Variants in CLDN10 observed in about 807,000 individuals in gnomAD.
The protein encoded by CLDN10 is claudin 10.
Under a neutral mutation model 22.9 loss-of-function variants are expected in CLDN10, and 15 were observed. The observed-to-expected ratio is 0.65, with a 90% CI of 0.44 to 1.01. The LOEUF (loss-of-function observed/expected upper bound fraction) is 1.01. Among genes scored for constraint, CLDN10 ranks in the 50% least tolerant of loss-of-function variants. CLDN10 has a pLI of 0.00. For synonymous variants in CLDN10, 114 were observed against 111.4 expected (o/e 1.02, Z -0.15); for missense variants, 247 against 287.8 (o/e 0.86, Z 1.03).
chr13:95,466,026 T>C (rs373517327), intron 1 of CLDN10, among the ~76,000 whole-genome samples: 1 of 151,928 alleles, frequency 6.6e-6, no homozygotes, highest in African/African-American at 2.4e-5. Context: ...ATGGTGTATG[T>C]TTATGTTTAT....
At chr13:95,505,187 C>G (rs2043025242) in intron 1 of CLDN10, among the ~76,000 whole-genome samples, 1 of 152,184 alleles carries the variant, frequency 6.6e-6, no homozygotes, top group African/African-American at 2.4e-5. Context: ...TATGTTGAGA[C>G]TGCAAGTCCA....
intron 1 of CLDN10, among the ~76,000 whole-genome samples, chr13:95,450,124 C>T (rs556186353): frequency 2.0e-5 from 3 of 152,350 alleles, no homozygotes; most frequent in Non-Finnish European, 4.4e-5. Context: ...ATTCTCCCAC[C>T]TTGGCCTTCC....
chr13:95,565,908 GAAT>G (rs1370533090), intron 3 of CLDN10, among the ~76,000 whole-genome samples: 3 of 152,040 alleles, frequency 2.0e-5, no homozygotes, highest in African/African-American at 4.8e-5. Context: ...AGTTTGCTGA[GAAT>G]GATGGTTTCC....
At chr13:95,495,997 T>C (rs1430924417) in intron 1 of CLDN10, among the ~76,000 whole-genome samples, 1 of 152,216 alleles carries the variant, frequency 6.6e-6, no homozygotes, top group East Asian at 1.9e-4. Context: ...AAGTAGGTTC[T>C]CACCAAATTT....
chr13:95,540,156 C>T (rs1053425963), intron 1 of CLDN10, among the ~76,000 whole-genome samples: 4 of 151,928 alleles, frequency 2.6e-5, no homozygotes, highest in South Asian at 4.1e-4. Flanking sequence ...AAAAATTAGC[C>T]GGGCATGGTG....
chr13:95,534,424 C>T (rs1463228316), intron 1 of CLDN10, among the ~76,000 whole-genome samples: 1 of 152,162 alleles, frequency 6.6e-6, no homozygotes, highest in Non-Finnish European at 1.5e-5. Context: ...TATTGTGGGT[C>T]ATCTGGTCCA....
chr13:95,570,079 G>T (rs183922459), intron 3 of CLDN10, among the ~76,000 whole-genome samples: 1 of 152,184 alleles, frequency 6.6e-6, no homozygotes, highest in Non-Finnish European at 1.5e-5. Flanking sequence ...ACAAAGCCAC[G>T]TACACCCACA....
At chr13:95,497,606 A>T (rs1570903) in intron 1 of CLDN10, among the ~76,000 whole-genome samples, 64,055 of 152,066 alleles carry the variant, frequency 0.42, 14,816 homozygotes, top group Non-Finnish European at 0.51. Flanking sequence ...CAGTTTCACA[A>T]CCATACCTAC....
chr13:95,446,568 G>A (rs976082035), intron 1 of CLDN10, among the ~76,000 whole-genome samples: 3 of 152,158 alleles, frequency 2.0e-5, no homozygotes, highest in African/African-American at 4.8e-5. Context: ...AAGGTTGGAC[G>A]CAGTGGCTCA....
chr13:95,486,909 A>G (rs2042810960), intron 1 of CLDN10, among the ~76,000 whole-genome samples: 1 of 152,194 alleles, frequency 6.6e-6, no homozygotes, highest in African/African-American at 2.4e-5. Context: ...CACATGGAAA[A>G]TTTAAAGAAA....
chr13:95,517,134 C>T (rs2043177428), intron 1 of CLDN10, among the ~76,000 whole-genome samples: 1 of 149,740 alleles, frequency 6.7e-6, no homozygotes, highest in Admixed American at 6.7e-5. Flanking sequence ...TTCTTTCTCT[C>T]CCTTCCTCCC....
At chr13:95,559,377 T>G (rs1289727392) in intron 1 of CLDN10, among the ~76,000 whole-genome samples, 1 of 152,224 alleles carries the variant, frequency 6.6e-6, no homozygotes, top group Non-Finnish European at 1.5e-5. Flanking sequence ...ACAAACGAAC[T>G]GACAGAACAT....
At chr13:95,472,876 C>G (rs2042649602) in intron 1 of CLDN10, among the ~76,000 whole-genome samples, 1 of 151,836 alleles carries the variant, frequency 6.6e-6, no homozygotes, top group Non-Finnish European at 1.5e-5. Flanking sequence ...TGCAGTGGCT[C>G]ACACCTGTAA....
intron 1 of CLDN10, among the ~76,000 whole-genome samples, chr13:95,472,454 G>A (rs1232750115): frequency 6.6e-6 from 1 of 152,050 alleles, no homozygotes; most frequent in Non-Finnish European, 1.5e-5. Context: ...GGCCGAGGTG[G>A]GTAGATCACT....
upstream of CLDN10, among the ~76,000 whole-genome samples, chr13:95,551,487 A>C (rs902462333): frequency 4.6e-5 from 7 of 151,900 alleles, no homozygotes; most frequent in African/African-American, 1.7e-4. Context: ...TTCTCCAGTC[A>C]CCTTGTCGCC....
intron 1 of CLDN10, among the ~76,000 whole-genome samples, chr13:95,441,822 A>C (rs9590272): frequency 0.021 from 3,161 of 152,242 alleles, 117 homozygotes; most frequent in African/African-American, 0.072. Flanking sequence ...AATCCCTCTG[A>C]GCTTCAGTGT....
chr13:95,495,764 G>GA (rs2042923918), intron 1 of CLDN10, among the ~76,000 whole-genome samples: 9 of 100,512 alleles, frequency 9.0e-5, no homozygotes, highest in South Asian at 3.5e-4. Flanking sequence ...AAAAAGAAAA[G>GA]AAAGAAAGAA....
intron 1 of CLDN10, among the ~76,000 whole-genome samples, chr13:95,545,360 A>T (rs1233593512): frequency 1.3e-5 from 2 of 151,876 alleles, no homozygotes; most frequent in Non-Finnish European, 2.9e-5. Flanking sequence ...CCTGACCAAC[A>T]TGGAGAAACC....
intron 1 of CLDN10, among the ~76,000 whole-genome samples, chr13:95,513,794 G>T (rs1022251979): frequency 6.6e-6 from 1 of 150,666 alleles, no homozygotes; most frequent in Non-Finnish European, 1.5e-5. Flanking sequence ...TAAAATCTGT[G>T]TCTATAGAGA....
Sources: allele counts gnomAD v4.1 joint callset (sites outside exome capture counted in the v4.1 genomes callset), GRCh38; gene constraint gnomAD v4.1.1; transcripts MANE v1.5; gene names NCBI Gene and HGNC (gene_info 2026-07-23, HGNC 2026-07-21).